Variants in PGM3 observed in about 807,000 individuals in gnomAD.
The protein encoded by PGM3 is phosphoglucomutase 3, also known as phosphoacetylglucosamine mutase.
PGM3 carries 40 observed loss-of-function variants against 66.2 expected under a neutral mutation model. The ratio of observed to expected loss-of-function variants is 0.60; its 90% CI spans 0.47 to 0.79. The LOEUF is 0.79. PGM3 is among the 30% of genes least tolerant of loss of function. The probability of loss-of-function intolerance (pLI) is 0.00; values close to 1 mark genes in which losing one functional copy is unlikely to be tolerated. For missense variants in PGM3, 537 were observed against 643.4 expected (o/e 0.83, Z 1.79); for synonymous variants, 191 against 224.2 (o/e 0.85, Z 1.32).
chr6:83,179,770 T>C (rs777126875), intron 7 of PGM3, 40 bp downstream of exon 7: 3 of 1,497,998 alleles, frequency 2.0e-6, no homozygotes, highest in Non-Finnish European at 2.7e-6. Context: ...ATTTCACTAC[T>C]AAGTCTTGTT....
rs1367199599 is a variant in PGM3 at position 83,166,405 on chromosome 6, A to G, written c.*2829T>C. On this transcript the variant is annotated 3_prime_UTR_variant, in exon 13 of 13. Transcript: ENST00000513973. ...TGAGCCATCACGGCACTGTATGTTCATTAGCAGTTCCTGGGCCAAATGCAT... is the reference window on the plus strand; with the variant it reads ...TGAGCCATCACGGCACTGTATGTTCGTTAGCAGTTCCTGGGCCAAATGCAT... The G allele has an allele frequency of 2.8e-6, 2 of 702,250 alleles. No homozygotes were observed. The highest frequency in any genetic ancestry group is 5.4e-5 in the East Asian group (2 of 37,282). The allele number at this position is 702,250 out of a possible 1,614,324, so 43.5% of individuals were successfully genotyped here. A position where few individuals can be genotyped will look rare whatever the true frequency, so the allele number is the denominator to read the frequency against.
intron 1 of PGM3, among the ~76,000 whole-genome samples, chr6:83,192,038 G>C (rs1789141975): frequency 1.3e-5 from 2 of 151,490 alleles, no homozygotes; most frequent in Admixed American, 1.3e-4. Context: ...AGGCCAAGGC[G>C]GGCGGATCAC....
rs768020477 is a variant in PGM3, at chr6:83,174,510, C to T, written c.1129-23G>A. The T allele has an allele frequency of 3.0e-6, 4 of 1,331,378 alleles. No homozygotes were observed. The East Asian group carries it at 7.3e-5, about 24-fold the overall frequency. 82.5% of individuals were successfully genotyped at this position (1,331,378 alleles called of 1,614,324 possible). On this transcript the variant is annotated intron_variant, in intron 9 of 12. Coordinates refer to ENST00000513973, the MANE Select transcript of PGM3 (RefSeq NM_015599.3). ...TGCCTGCAGCAAAAGAATATAAAAT[C>T]AGTCTCAAAACACTATCCAAAACCT...
rs73483092 is a variant in PGM3 at position 83,172,927 on chromosome 6, G to A, written c.1243-868C>T. Among the ~76,000 whole-genome samples the A allele has an allele frequency of 5.5e-3, 840 of 152,278 alleles. 9 individuals are homozygous for A. The highest frequency in any genetic ancestry group is 0.019 in the African/African-American group (790 of 41,558). ...GCCAGACAACCACAGATTGTCCAAC[G>A]GGTGGCTGACAGAGTGACACCTTTG... is the stretch of plus-strand genomic sequence containing the variant. On this transcript the variant is annotated intron_variant, in intron 10 of 12. Transcript: ENST00000513973.
chr6:83,174,307 C>T (rs949404917), intron 10 of PGM3, 67 bp downstream of exon 10: 1 of 849,982 alleles, frequency 1.2e-6, no homozygotes. Context: ...TGCACCCACA[C>T]TCTGTTCTGT....
chr6:83,159,948 C>G (rs1379500094), downstream of PGM3: 1 of 1,614,046 alleles, frequency 6.2e-7, no homozygotes, highest in East Asian at 2.2e-5. Context: ...GAAAACCTTC[C>G]TCAGTTTCAG....
At chr6:83,149,517 G>A in the PGM3 span, among the ~76,000 whole-genome samples, 1 of 152,174 alleles carries the variant, frequency 6.6e-6, no homozygotes, top group African/African-American at 2.4e-5. Context: ...GGCACAGGCA[G>A]TGGTATAGTG....
downstream of PGM3, chr6:83,158,671 A>G (rs750177539): frequency 3.6e-5 from 45 of 1,241,568 alleles, no homozygotes; most frequent in Non-Finnish European, 5.1e-5. Context: ...ATACCCTGAA[A>G]TTATTCAGAA....
intron 6 of PGM3, among the ~76,000 whole-genome samples, chr6:83,180,682 G>T (rs1583278313): frequency 6.6e-6 from 1 of 152,196 alleles, no homozygotes; most frequent in South Asian, 2.1e-4. Flanking sequence ...CCAAAGCCTA[G>T]AGCATAGAGA....
chr6:83,153,096 A>G, the PGM3 span, among the ~76,000 whole-genome samples: 1 of 152,230 alleles, frequency 6.6e-6, no homozygotes, highest in Non-Finnish European at 1.5e-5. Context: ...AATAGGACTA[A>G]GGCCAAATAG....
At position 83,190,925 on chromosome 6, in the gene PGM3, T is replaced by C. The variant is rs1562433093; in HGVS notation, c.88A>G (p.Thr30Ala). Residue 30 changes from threonine (T) to alanine (A), a missense_variant, in exon 2 of 13, where the codon ACG becomes GCG. Physicochemically the swap from Thr to Ala is moderately conservative, Grantham distance 58 (BLOSUM62 0). Coordinates refer to ENST00000513973, the MANE Select transcript of PGM3 (RefSeq NM_015599.3). ...ACATGATCAAGATGTTCTGCCTTCGTTCGAAATCCAGCAGTCCCGTATTGA... is the reference window on the plus strand; with the variant it reads ...ACATGATCAAGATGTTCTGCCTTCGCTCGAAATCCAGCAGTCCCGTATTGA... ...ILQYGTAGFR[T>A]KAEHLDHVMF... is the part of the protein sequence containing the mutation. 2.5e-6 allele frequency: 4 copies of C among 1,614,180 alleles called. No individual in the cohort carries two copies. The East Asian group carries it at 6.7e-5, about 27-fold the overall frequency.
At chr6:83,150,164 CAG>C in the PGM3 span, among the ~76,000 whole-genome samples, 1 of 152,134 alleles carries the variant, frequency 6.6e-6, no homozygotes, top group African/African-American at 2.4e-5. Flanking sequence ...TGCTTGAGCC[CAG>C]AGTTTGAGAC....
At chr6:83,148,790 G>C in the PGM3 span, 1 of 1,559,730 alleles carries the variant, frequency 6.4e-7, no homozygotes. Flanking sequence ...GGATAGCTGG[G>C]CGTCACTGTT....
chr6:83,180,213 A>T (rs1462719209), intron 6 of PGM3, among the ~76,000 whole-genome samples: 1 of 152,218 alleles, frequency 6.6e-6, no homozygotes, highest in Non-Finnish European at 1.5e-5. Flanking sequence ...ATTCCACTTT[A>T]TAAGCAGGTT....
chr6:83,163,366 A>ATT (rs915891610), downstream of PGM3, among the ~76,000 whole-genome samples: 3 of 152,118 alleles, frequency 2.0e-5, no homozygotes, highest in African/African-American at 7.2e-5. Context: ...TACAAAAGGG[A>ATT]TTTTTAGAAC....
the PGM3 span, chr6:83,152,140 A>C: frequency 7.9e-7 from 1 of 1,257,888 alleles, no homozygotes; most frequent in South Asian, 1.5e-5. Flanking sequence ...CTCATGTCTA[A>C]CAAGTAACTT....
chr6:83,190,876 G>A lies in PGM3; in HGVS notation c.137C>T (p.Ala46Val), dbSNP rs1261795420. ...DHVMFRMGLL[A>V]VLRSKQTKST... The stretch of plus-strand genomic sequence containing the variant: ...TTTTGTCTGTTTTGACCTCAGGACA[G>A]CTAATAATCCCATGCGAAACATGAC... Residue 46 changes from alanine (A) to valine (V), a missense_variant, in exon 2 of 13, where the codon GCT becomes GTT. Coordinates refer to ENST00000513973, the MANE Select transcript of PGM3 (RefSeq NM_015599.3). 1.2e-6 allele frequency: 2 copies of A among 1,614,000 alleles called. No homozygotes were observed. Among genetic ancestry groups the A allele is most frequent in the Non-Finnish European group, 1.7e-6 (2 of 1,180,000 alleles).
the PGM3 span, among the ~76,000 whole-genome samples, chr6:83,151,263 T>G: frequency 6.6e-6 from 1 of 152,200 alleles, no homozygotes; most frequent in Non-Finnish European, 1.5e-5. Context: ...CAAGCAATTC[T>G]CCTGCCTTAG....
At chr6:83,186,977 G>C in intron 4 of PGM3, 31 bp downstream of exon 4, 1 of 1,235,742 alleles carries the variant, frequency 8.1e-7, no homozygotes. Flanking sequence ...TTAAATATTA[G>C]TTTAATTTCC....
Sources: allele counts gnomAD v4.1 joint callset (sites outside exome capture counted in the v4.1 genomes callset), GRCh38; gene constraint gnomAD v4.1.1; transcripts MANE v1.5; gene names NCBI Gene and HGNC (gene_info 2026-07-23, HGNC 2026-07-21).